The following EFCAB11 variants were observed in gnomAD, a reference collection of about 807,000 sequenced individuals.
The protein encoded by EFCAB11 is EF-hand calcium binding domain 11.
A neutral mutation model predicts 23.0 loss-of-function variants in EFCAB11; 14 were observed. That is an observed-to-expected ratio of 0.61 (90% confidence interval 0.40 to 0.95). The LOEUF is 0.95. Ranked by LOEUF, EFCAB11 falls within the 40% of genes least tolerant of loss-of-function variation. The pLI, the probability that EFCAB11 is intolerant of heterozygous loss-of-function variation, is 0.00. For synonymous variants in EFCAB11, 65 were observed against 66.6 expected (o/e 0.98, Z 0.11); for missense variants, 198 against 195.8 (o/e 1.01, Z -0.07).
At chr14:89,845,501 T>C (rs1197623755) in intron 5 of EFCAB11, among the ~76,000 whole-genome samples, 1 of 152,196 alleles carries the variant, frequency 6.6e-6, no homozygotes, top group South Asian at 2.1e-4. Context: ...GCAACCTCCT[T>C]GCACTTTGAA....
chr14:89,917,335 C>T (rs1396167554), intron 5 of EFCAB11, among the ~76,000 whole-genome samples: 6 of 152,144 alleles, frequency 3.9e-5, no homozygotes, highest in African/African-American at 1.4e-4. Flanking sequence ...TAAGTAATAT[C>T]ATGCAATATT....
intron 5 of EFCAB11, among the ~76,000 whole-genome samples, chr14:89,862,129 G>A (rs1002215172): frequency 2.0e-5 from 3 of 152,090 alleles, no homozygotes; most frequent in South Asian, 2.1e-4. Flanking sequence ...ATGGTATTGC[G>A]GGACCAGCAG....
At chr14:89,814,112 C>T (rs180797532) in intron 5 of EFCAB11, among the ~76,000 whole-genome samples, 1 of 149,102 alleles carries the variant, frequency 6.7e-6, no homozygotes, top group East Asian at 2.0e-4. Context: ...CACTTTGAAT[C>T]GAACCACAGG....
chr14:89,828,590 G>GT (rs1886781228), intron 5 of EFCAB11, among the ~76,000 whole-genome samples: 1 of 152,050 alleles, frequency 6.6e-6, no homozygotes, highest in African/African-American at 2.4e-5. Context: ...ATAGTGTTCG[G>GT]TTTTTTGTAT....
chr14:89,902,815 G>A (rs534426987), intron 5 of EFCAB11, among the ~76,000 whole-genome samples: 102 of 152,118 alleles, frequency 6.7e-4, no homozygotes, highest in African/African-American at 2.3e-3. Flanking sequence ...TTTACTCTAG[G>A]CACTAATTTA....
chr14:89,927,457 C>T (rs952489696), intron 5 of EFCAB11, among the ~76,000 whole-genome samples: 4 of 152,108 alleles, frequency 2.6e-5, no homozygotes, highest in African/African-American at 9.7e-5. Context: ...GAATTGTGGA[C>T]CTGGGTAAAG....
At chr14:89,930,112 TAAGTA>T (rs1890339211) in intron 5 of EFCAB11, among the ~76,000 whole-genome samples, 1 of 152,242 alleles carries the variant, frequency 6.6e-6, no homozygotes, top group Non-Finnish European at 1.5e-5. Context: ...CAAAATCAGC[TAAGTA>T]ATGTTTTCCC....
chr14:89,954,740 A>T (rs890679418), upstream of EFCAB11: 15 of 1,544,154 alleles, frequency 9.7e-6, no homozygotes, highest in South Asian at 1.2e-5. Flanking sequence ...TACCGCGGCC[A>T]CGCCCACCGC....
rs1885660473 is a variant in EFCAB11 at position 89,798,735 on chromosome 14, GA to G, written c.411-1412del. Among the ~76,000 whole-genome samples, 4 of 152,200 alleles carry G rather than the reference GA, an allele frequency of 2.6e-5. No homozygotes were observed. In the South Asian group the frequency reaches 8.3e-4, roughly 32 times the overall value. On this transcript the variant is annotated intron_variant, in intron 5 of 5. Transcript: ENST00000316738. ...TATTGAGATGCTGAATGCTTGTAGAGAAGCAAATCCCTTTGCCTGACTTTCT... is the reference window on the plus strand; with the variant it reads ...TATTGAGATGCTGAATGCTTGTAGAGAGCAAATCCCTTTGCCTGACTTTCT...
chr14:89,816,584 TGAAA>T (rs1886345134), intron 5 of EFCAB11, among the ~76,000 whole-genome samples: 1 of 152,226 alleles, frequency 6.6e-6, no homozygotes, highest in Admixed American at 6.5e-5. Context: ...CTTTAACTTC[TGAAA>T]ACTAAACAAA....
chr14:89,903,684 G>A (rs975695109), intron 5 of EFCAB11, among the ~76,000 whole-genome samples: 6 of 152,154 alleles, frequency 3.9e-5, no homozygotes, highest in Admixed American at 2.6e-4. Flanking sequence ...TTTGGACTAC[G>A]TTCAAGAAAC....
At chr14:89,834,835 G>A (rs1348765655) in intron 5 of EFCAB11, among the ~76,000 whole-genome samples, 1 of 152,198 alleles carries the variant, frequency 6.6e-6, no homozygotes, top group Non-Finnish European at 1.5e-5. Flanking sequence ...GATAATTGAT[G>A]CAGTTAGGAC....
At chr14:89,945,250 A>G (rs184201654) in intron 3 of EFCAB11, among the ~76,000 whole-genome samples, 318 of 151,458 alleles carry the variant, frequency 2.1e-3, no homozygotes, top group Admixed American at 6.5e-3. Flanking sequence ...CCTTTCCTCC[A>G]CTTATTTCGG....
At chr14:89,929,106 G>T (rs1343047247) in intron 5 of EFCAB11, among the ~76,000 whole-genome samples, 2 of 148,252 alleles carry the variant, frequency 1.3e-5, no homozygotes, top group African/African-American at 5.1e-5. Flanking sequence ...GGGTGCAGGG[G>T]TGCAACCTTG....
intron 5 of EFCAB11, among the ~76,000 whole-genome samples, chr14:89,801,822 C>G (rs1453676679): frequency 6.6e-6 from 1 of 151,912 alleles, no homozygotes; most frequent in Admixed American, 6.6e-5. Flanking sequence ...GGTGAAACCC[C>G]GTCTCTACTA....
At chr14:89,891,098 C>T (rs1888949966) in intron 5 of EFCAB11, among the ~76,000 whole-genome samples, 1 of 152,120 alleles carries the variant, frequency 6.6e-6, no homozygotes, top group Non-Finnish European at 1.5e-5. Flanking sequence ...TAATATAGTC[C>T]TGTACTGACT....
chr14:89,920,649 CACTT>C (rs1365992553), intron 5 of EFCAB11, among the ~76,000 whole-genome samples: 1 of 152,214 alleles, frequency 6.6e-6, no homozygotes, highest in Non-Finnish European at 1.5e-5. Context: ...ACATGGAAAA[CACTT>C]AGTAAATATT....
Position 89,796,766 on chromosome 14 carries a change from GGAGATGAT to G in EFCAB11, c.*469_*476del, listed in dbSNP as rs1885586957. The G allele has an allele frequency of 6.5e-6, 1 of 153,106 alleles. No individual in the cohort carries two copies. Among genetic ancestry groups the G allele is most frequent in the African/African-American group, 2.4e-5 (1 of 41,456 alleles). The allele number at this position is 153,106 out of a possible 1,614,324, so 9.5% of individuals were successfully genotyped here. ...AAAGTCTGCCCCTCTGCAGATATTA[GGAGATGAT>G]GAGATTCAGGGTGGGATGGTGAGGA... On this transcript the variant is annotated 3_prime_UTR_variant, in exon 6 of 6. Coordinates refer to ENST00000316738, the MANE Select transcript of EFCAB11 (RefSeq NM_145231.4).
intron 5 of EFCAB11, among the ~76,000 whole-genome samples, chr14:89,887,521 A>G (rs1244889827): frequency 6.6e-6 from 1 of 152,240 alleles, no homozygotes; most frequent in Non-Finnish European, 1.5e-5. Context: ...AGTAAGTGTC[A>G]TGCCTAGGTC....
Sources: allele counts gnomAD v4.1 joint callset (sites outside exome capture counted in the v4.1 genomes callset), GRCh38; gene constraint gnomAD v4.1.1; transcripts MANE v1.5; gene names NCBI Gene and HGNC (gene_info 2026-07-23, HGNC 2026-07-21).